DMD: variants seen among roughly 807,000 people sequenced by gnomAD.
DMD encodes the protein mutant dystrophin.
DMD carries 63 observed loss-of-function variants against 330.1 expected under a neutral mutation model. The observed-to-expected ratio is 0.19, with a 90% CI of 0.16 to 0.24. DMD has a LOEUF of 0.24. Among genes scored for constraint, DMD ranks in the 10% least tolerant of loss-of-function variants. DMD has a pLI of 1.00. For synonymous variants in DMD, 1,223 were observed against 959.8 expected, an observed-to-expected ratio of 1.27 and a Z score of -5.07; for missense variants, 3,344 against 2,684.1, an observed-to-expected ratio of 1.25 and a Z score of -5.43.
At chrX:32,699,065 TA>T in intron 8 of DMD, 46 bp downstream of exon 8, 1 of 1,130,005 alleles carries the variant, frequency 8.8e-7, no homozygotes, top group Non-Finnish European at 1.2e-6. Flanking sequence ...AAAATGCATA[TA>T]AAACAGAAAA....
At chrX:31,811,335 C>A (rs1307202902) in intron 50 of DMD, among the ~76,000 whole-genome samples, 1 of 111,679 alleles carries the variant, frequency 9.0e-6, no homozygotes, top group Admixed American at 9.5e-5. Context: ...GACCAGGGAC[C>A]CCCTACTGCC....
At chrX:33,007,700 A>T (rs1312251691) in intron 2 of DMD, among the ~76,000 whole-genome samples, 1 of 111,438 alleles carries the variant, frequency 9.0e-6, no homozygotes, top group Non-Finnish European at 1.9e-5. Flanking sequence ...TATATTCAAA[A>T]CACTAGAGCA....
At chrX:32,737,524 G>T (rs377682575) in intron 7 of DMD, among the ~76,000 whole-genome samples, 1 of 110,797 alleles carries the variant, frequency 9.0e-6, no homozygotes, top group African/African-American at 3.3e-5. Context: ...AACTATATTA[G>T]CATGTAGTTT....
intron 60 of DMD, among the ~76,000 whole-genome samples, chrX:31,366,058 G>A (rs1345219189): frequency 8.9e-6 from 1 of 111,884 alleles, no homozygotes; most frequent in African/African-American, 3.3e-5. Context: ...ACTAGTTACC[G>A]GCAGGCACTC....
intron 2 of DMD, among the ~76,000 whole-genome samples, chrX:32,908,916 G>C (rs781647949): frequency 9.0e-6 from 1 of 110,910 alleles, no homozygotes; most frequent in Non-Finnish European, 1.9e-5. Flanking sequence ...GACTACAAAA[G>C]GTATCAGGAG....
Position 32,614,345 on chromosome X carries a change from T to C in DMD, c.1440A>G (p.Gly480=). The C allele has an allele frequency of 8.3e-7, 1 of 1,208,530 alleles. No individual in the cohort carries two copies. The part of the protein sequence containing the change: ...RTRKMEEEPL[G]PDLEDLKRQV... ...GGCGTTTTAGGTCTTCAAGATCAGG[T>C]CCAAGAGGCTCTTCCTCCATTTTCC... Residue 480 remains glycine (G), a synonymous_variant, in exon 12 of 79, where the codon GGA becomes GGG. Coordinates refer to ENST00000357033, the MANE Select transcript of DMD (RefSeq NM_004006.3).
intron 48 of DMD, among the ~76,000 whole-genome samples, chrX:31,866,818 T>A (rs1439693425): frequency 9.0e-6 from 1 of 111,095 alleles, no homozygotes; most frequent in Non-Finnish European, 1.9e-5. Flanking sequence ...ACTGTGAAAA[T>A]GAGGAAGAGG....
chrX:33,167,562 G>C (rs937348948), intron 1 of DMD, among the ~76,000 whole-genome samples: 1 of 110,370 alleles, frequency 9.1e-6, no homozygotes, highest in Non-Finnish European at 1.9e-5. Flanking sequence ...CTGTATTTTA[G>C]AGTCAATTTC....
chrX:32,359,866 A>G (rs2097824501), intron 37 of DMD, among the ~76,000 whole-genome samples: 1 of 110,837 alleles, frequency 9.0e-6, no homozygotes, highest in Non-Finnish European at 1.9e-5. Flanking sequence ...TTAATTTTAA[A>G]TAATATGATT....
At chrX:31,576,146 C>A (rs1361065520) in intron 55 of DMD, among the ~76,000 whole-genome samples, 1 of 111,864 alleles carries the variant, frequency 8.9e-6, no homozygotes, top group Admixed American at 9.5e-5. Flanking sequence ...ACATTATCAT[C>A]AAAGCTAGGA....
chrX:31,564,430 T>C (rs1027035676), intron 55 of DMD, among the ~76,000 whole-genome samples: 1 of 111,865 alleles, frequency 8.9e-6, no homozygotes, highest in Admixed American at 9.5e-5. Context: ...CATAAACTTA[T>C]GCATATTCGC....
intron 29 of DMD, among the ~76,000 whole-genome samples, chrX:32,421,636 C>A (rs1212123405): frequency 2.7e-5 from 3 of 111,735 alleles, no homozygotes; most frequent in Non-Finnish European, 3.8e-5. Context: ...ATTAAGCTTG[C>A]TGAAATAGAA....
rs138112102 is a variant in DMD, at chrX:31,162,981, T to C, written c.10553+6462A>G. Among the ~76,000 whole-genome samples the C allele has an allele frequency of 7.2e-3, 804 of 112,043 alleles. 6 individuals are homozygous for C. The highest frequency in any genetic ancestry group is 0.025 in the African/African-American group (757 of 30,849). On this transcript the variant is annotated intron_variant, in intron 74 of 78. Coordinates refer to ENST00000357033, the MANE Select transcript of DMD (RefSeq NM_004006.3). ...GAGCTGAGATGGTTGACCCCATTCTTACACAGCTTCTTAAATGTGGCATGT... is the reference window on the plus strand; with the variant it reads ...GAGCTGAGATGGTTGACCCCATTCTCACACAGCTTCTTAAATGTGGCATGT...
rs2097903383 is a variant in DMD, at chrX:32,376,480, A to T, written c.4845+4030T>A. Among the ~76,000 whole-genome samples, 3 of 110,752 alleles carry T rather than the reference A, an allele frequency of 2.7e-5. No homozygotes were observed. In the Admixed American group the frequency reaches 2.9e-4, roughly 11 times the overall value. ...TAAATGATAGTTGTGATGGGACCTT[A>T]TTGAGAATTTTGGTGGTACTGGAAA... On this transcript the variant is annotated intron_variant, in intron 34 of 78. Transcript: ENST00000357033.
chrX:32,378,926 T>C (rs973756863), intron 34 of DMD, among the ~76,000 whole-genome samples: 2 of 110,615 alleles, frequency 1.8e-5, no homozygotes, highest in African/African-American at 6.5e-5. Flanking sequence ...TTGAATTTTA[T>C]GTTAAAATAT....
chrX:32,110,780 C>A (rs1284950530), intron 44 of DMD, among the ~76,000 whole-genome samples: 4 of 112,005 alleles, frequency 3.6e-5, no homozygotes, highest in Non-Finnish European at 7.5e-5. Context: ...TTGGGTAAAT[C>A]TGGTGGTAGA....
chrX:31,305,990 G>A (rs1163197638), intron 62 of DMD, among the ~76,000 whole-genome samples: 1 of 112,160 alleles, frequency 8.9e-6, no homozygotes, highest in Non-Finnish European at 1.9e-5. Flanking sequence ...TTTTGCTGTT[G>A]TTGTTGTTGT....
intron 67 of DMD, among the ~76,000 whole-genome samples, chrX:31,183,237 C>T (rs41312092): frequency 9.3e-6 from 1 of 107,676 alleles, no homozygotes; most frequent in Admixed American, 1.0e-4. Context: ...TGAACTGATA[C>T]ATAAAAGTTA....
chrX:32,005,300 C>G (rs1385099527), intron 44 of DMD, among the ~76,000 whole-genome samples: 2 of 111,114 alleles, frequency 1.8e-5, no homozygotes, highest in African/African-American at 6.5e-5. Context: ...TATAGGACAC[C>G]CTTTATTAAA....
Sources: gnomAD v4.1 joint callset for allele counts (sites outside exome capture counted in the v4.1 genomes callset) on GRCh38, gnomAD v4.1.1 for gene constraint, MANE v1.5 for transcripts, NCBI Gene and HGNC (gene_info 2026-07-23, HGNC 2026-07-21) for gene names.